TMEM74: variants seen among roughly 807,000 people sequenced by gnomAD.
TMEM74 encodes transmembrane protein 74.
A neutral mutation model predicts 18.1 loss-of-function variants in TMEM74; 13 were observed. That is an observed-to-expected ratio of 0.72 (90% CI 0.47 to 1.14). TMEM74 has a LOEUF of 1.14. Among genes scored for constraint, TMEM74 ranks in the 50% most tolerant of loss-of-function variants. The pLI, the probability that TMEM74 is intolerant of heterozygous loss-of-function variation, is 0.00. For synonymous variants in TMEM74, 159 were observed against 146.6 expected, an observed-to-expected ratio of 1.08 and a Z score of -0.61; for missense variants, 372 against 375.9, an observed-to-expected ratio of 0.99 and a Z score of 0.09.
chr8:108,618,824 G>C (rs1812411457), intron 2 of TMEM74, among the ~76,000 whole-genome samples: 1 of 152,084 alleles, frequency 6.6e-6, no homozygotes, highest in East Asian at 1.9e-4. Context: ...GGCTTAATGG[G>C]ACAAAACAGA....
intron 1 of TMEM74, among the ~76,000 whole-genome samples, chr8:108,757,297 T>C (rs567454898): frequency 1.3e-5 from 2 of 152,158 alleles, no homozygotes; most frequent in African/African-American, 4.8e-5. Flanking sequence ...ATTAGGATCA[T>C]CTTCAATGTG....
intron 1 of TMEM74, among the ~76,000 whole-genome samples, chr8:108,688,582 TG>T (rs1813195211): frequency 2.0e-5 from 3 of 152,158 alleles, no homozygotes; most frequent in Admixed American, 2.0e-4. Flanking sequence ...ATGTGAATGG[TG>T]GGTTTTGGAG....
chr8:108,647,599 G>A (rs1281499488), intron 2 of TMEM74, among the ~76,000 whole-genome samples: 1 of 151,984 alleles, frequency 6.6e-6, no homozygotes, highest in Non-Finnish European at 1.5e-5. Flanking sequence ...TAGCAATTGA[G>A]GGATAAACGA....
chr8:108,665,237 G>A (rs569121232), intron 1 of TMEM74, among the ~76,000 whole-genome samples: 8 of 152,226 alleles, frequency 5.3e-5, no homozygotes, highest in Non-Finnish European at 1.0e-4. Flanking sequence ...GAATAACTTC[G>A]ACCTGAATTA....
chr8:108,652,163 C>A (rs2935752), intron 2 of TMEM74, among the ~76,000 whole-genome samples: 28,163 of 151,918 alleles, frequency 0.19, 2,740 homozygotes, highest in East Asian at 0.28. Flanking sequence ...AAAAATGCAA[C>A]AACAGGAAAA....
intron 2 of TMEM74, among the ~76,000 whole-genome samples, chr8:108,623,690 A>G (rs903547929): frequency 6.6e-6 from 1 of 152,060 alleles, no homozygotes; most frequent in Non-Finnish European, 1.5e-5. Flanking sequence ...TTCAGGGGAA[A>G]GTTGATGGAC....
At chr8:108,695,207 C>A (rs77043470) in intron 1 of TMEM74, among the ~76,000 whole-genome samples, 1 of 152,168 alleles carries the variant, frequency 6.6e-6, no homozygotes, top group African/African-American at 2.4e-5. Context: ...TGGGATTTTA[C>A]TTCTGCTTCT....
At chr8:108,756,650 G>GAA (rs1283223577) in intron 1 of TMEM74, among the ~76,000 whole-genome samples, 364 of 26,944 alleles carry the variant, frequency 0.014, 2 homozygotes, top group Admixed American at 0.023. Context: ...AAGAAAGAAA[G>GAA]AGAAAGAAAG....
chr8:108,732,452 C>T (rs1391504592), intron 1 of TMEM74, among the ~76,000 whole-genome samples: 2 of 151,908 alleles, frequency 1.3e-5, no homozygotes, highest in Non-Finnish European at 2.9e-5. Context: ...CTAGAATAGA[C>T]AAAAAATTGT....
Position 108,704,239 on chromosome 8 carries a change from C to G in TMEM74, n.120-48802G>C, listed in dbSNP as rs183376987. On this transcript the variant is annotated intron_variant and non_coding_transcript_variant, in intron 1 of 3. Coordinates refer to the TMEM74 transcript ENST00000518838. ...GTTTCCTCCTTTCAAGTTTACTAGA[C>G]TGGGGACAGGGTTATAGATATTTTC... 1.4e-3 allele frequency among the ~76,000 whole-genome samples: 220 copies of G among 152,338 alleles called. 4 individuals carry two copies. Among genetic ancestry groups the G allele is most frequent in the Non-Finnish European group, 7.3e-5 (5 of 68,034 alleles).
At chr8:108,774,389 G>A (rs1814205700), downstream of TMEM74, among the ~76,000 whole-genome samples, 1 of 152,176 alleles carries the variant, frequency 6.6e-6, no homozygotes, top group Non-Finnish European at 1.5e-5. Flanking sequence ...CTTGGAAGAT[G>A]ACAGAGCCTT....
intron 2 of TMEM74, among the ~76,000 whole-genome samples, chr8:108,647,298 A>G (rs1278793621): frequency 6.6e-6 from 1 of 152,160 alleles, no homozygotes; most frequent in African/African-American, 2.4e-5. Flanking sequence ...TTGACTGGCC[A>G]CCCAGATGAA....
intron 1 of TMEM74, among the ~76,000 whole-genome samples, chr8:108,756,673 A>G (rs1813973426): frequency 9.4e-6 from 1 of 106,418 alleles, no homozygotes; most frequent in Non-Finnish European, 1.9e-5. Flanking sequence ...AGAAAGAAAG[A>G]AAGAAAGAAA....
At chr8:108,628,974 A>G (rs955379048) in intron 2 of TMEM74, among the ~76,000 whole-genome samples, 1 of 151,942 alleles carries the variant, frequency 6.6e-6, no homozygotes, top group Non-Finnish European at 1.5e-5. Flanking sequence ...CCACTTTTTA[A>G]TGGTGTTGTT....
intron 1 of TMEM74, among the ~76,000 whole-genome samples, chr8:108,722,628 G>A (rs1419294393): frequency 6.6e-6 from 1 of 152,070 alleles, no homozygotes; most frequent in African/African-American, 2.4e-5. Context: ...CTTGTTGATC[G>A]TTTTGAGGAC....
rs78905996 is a variant in TMEM74, at chr8:108,708,931, G to T, written n.120-53494C>A. Among the ~76,000 whole-genome samples, 1,231 of 151,452 alleles carry T rather than the reference G, an allele frequency of 8.1e-3. 20 individuals carry two copies. Among genetic ancestry groups the T allele is most frequent in the East Asian group, 0.06 (309 of 5,146 alleles). On this transcript the variant is annotated intron_variant and non_coding_transcript_variant, in intron 1 of 3. Transcript: ENST00000518838. ...GGACCACAGGTATACTAAGGAAAAT[G>T]CTCAACATCATTAATTATTTAAAAA...
chr8:108,609,598 A>G (rs1563731399), intron 2 of TMEM74, among the ~76,000 whole-genome samples: 1 of 152,236 alleles, frequency 6.6e-6, no homozygotes, highest in African/African-American at 2.4e-5. Flanking sequence ...GAGCAAGCCA[A>G]GATCATGCCA....
chr8:108,622,809 A>C (rs1366208609), intron 2 of TMEM74, among the ~76,000 whole-genome samples: 1 of 152,144 alleles, frequency 6.6e-6, no homozygotes, highest in Non-Finnish European at 1.5e-5. Context: ...ACTTTATGCT[A>C]CATATTTCAG....
chr8:108,688,926 A>G (rs1185659417), intron 1 of TMEM74, among the ~76,000 whole-genome samples: 1 of 152,186 alleles, frequency 6.6e-6, no homozygotes, highest in Non-Finnish European at 1.5e-5. Flanking sequence ...CTTTTCCTAG[A>G]GGGCTCCTTG....
Sources: allele counts gnomAD v4.1 joint callset (sites outside exome capture counted in the v4.1 genomes callset), GRCh38; gene constraint gnomAD v4.1.1; transcripts MANE v1.5; gene names NCBI Gene and HGNC (gene_info 2026-07-23, HGNC 2026-07-21).